Variants in FHIT observed in about 807,000 individuals in gnomAD.
The protein encoded by FHIT is fragile histidine triad diadenosine triphosphatase, also known as bis(5'-adenosyl)-triphosphatase.
In FHIT, 19 loss-of-function variants were observed where a neutral mutation model predicts 17.9. That is an observed-to-expected ratio of 1.06 (90% CI 0.74 to 1.56). The LOEUF (loss-of-function observed/expected upper bound fraction) is 1.56, where lower values mean the gene tolerates loss of function less well. FHIT is among the 40% of genes most tolerant of loss of function. The pLI is 0.00. For missense variants in FHIT, 248 were observed against 189.2 expected (o/e 1.31, Z -1.82); for synonymous variants, 81 against 69.7 (o/e 1.16, Z -0.81).
intron 5 of FHIT, among the ~76,000 whole-genome samples, chr3:60,023,460 G>C (rs1700624579): frequency 6.6e-6 from 1 of 152,186 alleles, no homozygotes; most frequent in Non-Finnish European, 1.5e-5. Context: ...GATTCTTCCA[G>C]TGCAAGCTCT....
At chr3:60,959,937 T>TACA in intron 3 of FHIT, among the ~76,000 whole-genome samples, 1 of 151,978 alleles carries the variant, frequency 6.6e-6, no homozygotes, top group South Asian at 2.1e-4. Context: ...CTTTTGCAAT[T>TACA]ACAACAACAA....
chr3:60,677,609 T>C (rs2040652791), intron 4 of FHIT, among the ~76,000 whole-genome samples: 2 of 144,906 alleles, frequency 1.4e-5, no homozygotes, highest in Admixed American at 7.2e-5. Context: ...TGTGTGTATA[T>C]ATGTGTATAC....
rs79479703 is a variant in FHIT, at chr3:60,642,975, G to C, written c.-17-105996C>G. Among the ~76,000 whole-genome samples, 1,390 of 152,276 alleles carry C rather than the reference G, an allele frequency of 9.1e-3. 25 individuals carry two copies. The highest frequency in any genetic ancestry group is 0.032 in the African/African-American group (1,324 of 41,546). On this transcript the variant is annotated intron_variant, in intron 4 of 9. Coordinates refer to ENST00000492590, the MANE Select transcript of FHIT (RefSeq NM_002012.4). ...ATAGCATCTGGAACTTTTCCTTCATGAAAGCACTTTCACAGTTTTTGGTAT... is the reference window on the plus strand; with the variant it reads ...ATAGCATCTGGAACTTTTCCTTCATCAAAGCACTTTCACAGTTTTTGGTAT...
At chr3:60,554,436 T>C (rs2036675502) in intron 4 of FHIT, among the ~76,000 whole-genome samples, 4 of 152,274 alleles carry the variant, frequency 2.6e-5, no homozygotes, top group Admixed American at 2.0e-4. Flanking sequence ...CTCTATACCA[T>C]CAAAAAATCC....
chr3:60,522,244 G>A (rs150647750), intron 5 of FHIT, among the ~76,000 whole-genome samples: 1 of 151,874 alleles, frequency 6.6e-6, no homozygotes, highest in African/African-American at 2.4e-5. Flanking sequence ...CTGAGAAGCT[G>A]GGATTAAAAG....
chr3:60,620,102 A>G (rs578168836), intron 4 of FHIT, among the ~76,000 whole-genome samples: 1 of 152,330 alleles, frequency 6.6e-6, no homozygotes, highest in South Asian at 2.1e-4. Context: ...AAACAATGAT[A>G]CCACTATGTA....
chr3:60,481,178 A>G (rs570160597), intron 5 of FHIT, among the ~76,000 whole-genome samples: 34 of 152,320 alleles, frequency 2.2e-4, no homozygotes, highest in African/African-American at 6.5e-4. Flanking sequence ...GACTTCATAA[A>G]AAGACTGAAT....
At position 61,059,399 on chromosome 3, in the gene FHIT, A is replaced by C. The variant is rs1269932451; in HGVS notation, c.-163-17300T>G. Among the ~76,000 whole-genome samples, 7 of 118,746 alleles carry C rather than the reference A, an allele frequency of 5.9e-5. No homozygotes were observed. The Admixed American group carries it at 6.1e-4, about 10-fold the overall frequency. 77.9% of individuals were successfully genotyped at this position (118,746 alleles called of 152,430 possible). On this transcript the variant is annotated intron_variant, in intron 2 of 9. Coordinates refer to ENST00000492590, the MANE Select transcript of FHIT (RefSeq NM_002012.4). ...TTTTTTTTTTTTTTTTTTTTTTGCC[A>C]GAAAGCAGTGAGATAAATTGAATAC...
At chr3:60,217,779 C>G (rs946208009) in intron 5 of FHIT, among the ~76,000 whole-genome samples, 1 of 152,158 alleles carries the variant, frequency 6.6e-6, no homozygotes, top group African/African-American at 2.4e-5. Flanking sequence ...TTTCTCTTTG[C>G]CTGGCTCCCT....
At chr3:60,081,686 A>G (rs1360252730) in intron 5 of FHIT, among the ~76,000 whole-genome samples, 14 of 152,256 alleles carry the variant, frequency 9.2e-5, no homozygotes, top group African/African-American at 3.1e-4. Context: ...TTTATTAACT[A>G]TCCGATAATA....
intron 7 of FHIT, among the ~76,000 whole-genome samples, chr3:60,002,435 A>T (rs562532806): frequency 3.9e-5 from 6 of 152,300 alleles, no homozygotes; most frequent in African/African-American, 1.4e-4. Flanking sequence ...GAACGGATCT[A>T]TTAGACAATA....
intron 4 of FHIT, among the ~76,000 whole-genome samples, chr3:60,704,017 A>T (rs1267286203): frequency 1.3e-5 from 2 of 152,154 alleles, no homozygotes; most frequent in African/African-American, 4.8e-5. Context: ...TAGCCGTACC[A>T]GTATTGATTG....
chr3:60,460,362 GC>G (rs2032383801), intron 5 of FHIT, among the ~76,000 whole-genome samples: 1 of 151,870 alleles, frequency 6.6e-6, no homozygotes, highest in South Asian at 2.1e-4. Context: ...GGGAATCACA[GC>G]TTCCTTCCAA....
intron 5 of FHIT, among the ~76,000 whole-genome samples, chr3:60,335,966 A>G (rs1487366917): frequency 6.6e-6 from 1 of 152,218 alleles, no homozygotes; most frequent in African/African-American, 2.4e-5. Flanking sequence ...ACATATTCTG[A>G]CAGATCTGAC....
At chr3:60,446,038 A>G (rs72876886) in intron 5 of FHIT, among the ~76,000 whole-genome samples, 6,132 of 152,184 alleles carry the variant, frequency 0.04, 400 homozygotes, top group African/African-American at 0.14. Context: ...CAGCAGTTGG[A>G]AACTGAAATG....
At chr3:61,209,948 T>C (rs1010378523) in intron 1 of FHIT, among the ~76,000 whole-genome samples, 7 of 152,220 alleles carry the variant, frequency 4.6e-5, no homozygotes, top group Admixed American at 1.3e-4. Context: ...TGGTTTTATC[T>C]ACCTTTGGTC....
chr3:60,474,028 C>A (rs1421941318), intron 5 of FHIT, among the ~76,000 whole-genome samples: 1 of 152,054 alleles, frequency 6.6e-6, no homozygotes, highest in East Asian at 1.9e-4. Flanking sequence ...ACCTCATACT[C>A]AGAACTAGAA....
At chr3:59,752,803 G>GA (rs1700992707) in intron 8 of FHIT, among the ~76,000 whole-genome samples, 2 of 151,942 alleles carry the variant, frequency 1.3e-5, no homozygotes, top group Non-Finnish European at 2.9e-5. Flanking sequence ...TGATTGAAAG[G>GA]TTCCTGAGGC....
intron 3 of FHIT, among the ~76,000 whole-genome samples, chr3:60,897,209 C>A (rs1278450207): frequency 6.6e-6 from 1 of 152,110 alleles, no homozygotes; most frequent in Non-Finnish European, 1.5e-5. Flanking sequence ...TACAACATAA[C>A]CACGATGATG....
Sources: allele counts gnomAD v4.1 joint callset (sites outside exome capture counted in the v4.1 genomes callset), GRCh38; gene constraint gnomAD v4.1.1; transcripts MANE v1.5; gene names NCBI Gene and HGNC (gene_info 2026-07-23, HGNC 2026-07-21).